The following GPR39 variants were observed in gnomAD, a reference collection of about 807,000 sequenced individuals.
GPR39 encodes G protein-coupled receptor 39, also known as zinc sensing receptor.
A neutral mutation model predicts 18.4 loss-of-function variants in GPR39; 23 were observed. The observed-to-expected ratio is 1.25, with a 90% CI of 0.90 to 1.77. GPR39 has a LOEUF of 1.77. GPR39 is among the 40% of genes most tolerant of loss of function. The probability of loss-of-function intolerance (pLI) is 0.00; values close to 1 mark genes in which losing one functional copy is unlikely to be tolerated. For synonymous variants in GPR39, 280 were observed against 257.9 expected, an observed-to-expected ratio of 1.09 and a Z score of -0.82; for missense variants, 647 against 602.4, an observed-to-expected ratio of 1.07 and a Z score of -0.78.
chr2:132,622,708 T>A (rs929237018), intron 1 of GPR39, among the ~76,000 whole-genome samples: 3 of 152,172 alleles, frequency 2.0e-5, no homozygotes, highest in African/African-American at 7.2e-5. Flanking sequence ...GTCTAAAAAT[T>A]TGGAGTTGAT....
chr2:132,515,081 C>T (rs754033912), intron 1 of GPR39, among the ~76,000 whole-genome samples: 1 of 152,234 alleles, frequency 6.6e-6, no homozygotes, highest in African/African-American at 2.4e-5. Flanking sequence ...CCATTGTCCC[C>T]ACCCAGATCA....
At position 132,493,249 on chromosome 2, in the gene GPR39, ATACACCATATATATACCATATATG is replaced by A. The variant is rs1351985901; in HGVS notation, c.856+75354_856+75377del. The stretch of plus-strand genomic sequence containing the variant: ...TATACACCATATATATACACCATAT[ATACACCATATATATACCATATATG>A]TATACCATATATACCATATATATAC... On this transcript the variant is annotated intron_variant, in intron 1 of 1. Transcript: ENST00000329321. Among the ~76,000 whole-genome samples, 502 of 146,184 alleles carry A rather than the reference ATACACCATATATATACCATATATG, an allele frequency of 3.4e-3. 3 individuals carry two copies. The highest frequency in any genetic ancestry group is 0.011 in the African/African-American group (447 of 40,048).
At chr2:132,430,307 T>G (rs4309626) in intron 1 of GPR39, among the ~76,000 whole-genome samples, 33,622 of 152,110 alleles carry the variant, frequency 0.22, 3,935 homozygotes, top group African/African-American at 0.28. Flanking sequence ...ATTTAAGCCT[T>G]CAGGTGACTC....
intron 1 of GPR39, among the ~76,000 whole-genome samples, chr2:132,564,440 C>T (rs1352130840): frequency 6.6e-6 from 1 of 152,160 alleles, no homozygotes; most frequent in Non-Finnish European, 1.5e-5. Context: ...TCCCTCCCTT[C>T]TCCTTTCATC....
chr2:132,422,093 G>A (rs1335516630), intron 1 of GPR39, among the ~76,000 whole-genome samples: 1 of 151,956 alleles, frequency 6.6e-6, no homozygotes, highest in African/African-American at 2.4e-5. Flanking sequence ...GTGGCTTGAG[G>A]GCACAATTTT....
intron 1 of GPR39, among the ~76,000 whole-genome samples, chr2:132,603,797 C>T (rs1332503406): frequency 1.3e-5 from 2 of 152,120 alleles, no homozygotes; most frequent in African/African-American, 2.4e-5. Flanking sequence ...TTTTAAGAAA[C>T]CATTTTCATG....
At chr2:132,635,426 A>T (rs181642872) in intron 1 of GPR39, among the ~76,000 whole-genome samples, 4 of 152,348 alleles carry the variant, frequency 2.6e-5, no homozygotes, top group East Asian at 1.9e-4. Context: ...AGGGAACTTG[A>T]TGTAGACTTG....
At chr2:132,476,914 C>T (rs1250922899) in intron 1 of GPR39, among the ~76,000 whole-genome samples, 1 of 152,068 alleles carries the variant, frequency 6.6e-6, no homozygotes. Flanking sequence ...TCTGTGTAGA[C>T]ACTCCATCCT....
chr2:132,608,609 G>A (rs189897786), intron 1 of GPR39, among the ~76,000 whole-genome samples: 2 of 152,198 alleles, frequency 1.3e-5, no homozygotes, highest in African/African-American at 4.8e-5. Flanking sequence ...TACAGATGCC[G>A]CTGCTTCTTG....
intron 1 of GPR39, among the ~76,000 whole-genome samples, chr2:132,578,499 G>C (rs1680567127): frequency 6.6e-6 from 1 of 151,996 alleles, no homozygotes; most frequent in Non-Finnish European, 1.5e-5. Context: ...CTGGACTTGT[G>C]GATTTTGGTG....
At chr2:132,461,248 C>T (rs1680825578) in intron 1 of GPR39, among the ~76,000 whole-genome samples, 2 of 152,142 alleles carry the variant, frequency 1.3e-5, no homozygotes, top group Non-Finnish European at 2.9e-5. Context: ...CTACAGCCCT[C>T]GACTCTGGGC....
intron 1 of GPR39, among the ~76,000 whole-genome samples, chr2:132,496,235 G>A (rs1681639869): frequency 6.6e-6 from 1 of 152,116 alleles, no homozygotes; most frequent in Non-Finnish European, 1.5e-5. Flanking sequence ...AAACATTTTG[G>A]TTTATGTCCC....
At chr2:132,596,200 A>G (rs1282955269) in intron 1 of GPR39, among the ~76,000 whole-genome samples, 1 of 152,142 alleles carries the variant, frequency 6.6e-6, no homozygotes, top group Non-Finnish European at 1.5e-5. Context: ...AATTGACTAC[A>G]AAGTGCTGTT....
chr2:132,595,318 A>G (rs1052233365), intron 1 of GPR39, among the ~76,000 whole-genome samples: 3 of 152,018 alleles, frequency 2.0e-5, no homozygotes, highest in Non-Finnish European at 4.4e-5. Flanking sequence ...TCAGAATAAC[A>G]TTAGGACTGG....
intron 1 of GPR39, among the ~76,000 whole-genome samples, chr2:132,478,762 T>A (rs930586275): frequency 6.6e-6 from 1 of 152,206 alleles, no homozygotes; most frequent in African/African-American, 2.4e-5. Context: ...TTTCCAGAAT[T>A]GTATTTGAAA....
intron 1 of GPR39, among the ~76,000 whole-genome samples, chr2:132,480,107 A>AT (rs1428387342): frequency 6.6e-6 from 1 of 152,230 alleles, no homozygotes; most frequent in Non-Finnish European, 1.5e-5. Context: ...ATCAGATACT[A>AT]TAATGTGGAT....
At chr2:132,494,005 C>T (rs188791238) in intron 1 of GPR39, among the ~76,000 whole-genome samples, 2 of 152,224 alleles carry the variant, frequency 1.3e-5, no homozygotes, top group Non-Finnish European at 2.9e-5. Flanking sequence ...GCTTCATTGA[C>T]TCCATAGCTA....
rs574904596 is a variant in GPR39, at chr2:132,500,969, T to G, written c.856+83071T>G. Among the ~76,000 whole-genome samples the G allele has an allele frequency of 5.3e-5, 8 of 152,124 alleles. 1 individual carries two copies. In the South Asian group the frequency reaches 1.7e-3, roughly 32 times the overall value. ...TTGAGCTTATTTGGATCTTCTCTCT[T>G]CCTTTCTTGGCTATTCTTGCTAATG... On this transcript the variant is annotated intron_variant, in intron 1 of 1. Transcript: ENST00000329321.
intron 1 of GPR39, among the ~76,000 whole-genome samples, chr2:132,566,827 C>T (rs575717433): frequency 6.6e-6 from 1 of 152,320 alleles, no homozygotes; most frequent in East Asian, 1.9e-4. Context: ...TCAGCTTTCC[C>T]TCCAAGGCCT....
Sources: allele counts gnomAD v4.1 joint callset (sites outside exome capture counted in the v4.1 genomes callset), GRCh38; gene constraint gnomAD v4.1.1; transcripts MANE v1.5; gene names NCBI Gene and HGNC (gene_info 2026-07-23, HGNC 2026-07-21).